Variants in DCDC2C observed in about 807,000 individuals in gnomAD.
DCDC2C encodes the protein doublecortin domain containing 2C, also known as doublecortin domain-containing protein 2C.
In DCDC2C, 44 loss-of-function variants were observed where a neutral mutation model predicts 45.0. The observed-to-expected ratio is 0.98, with a 90% CI of 0.77 to 1.26. The LOEUF (loss-of-function observed/expected upper bound fraction) is 1.26. DCDC2C is among the 50% of genes most tolerant of loss of function. The probability of loss-of-function intolerance (pLI) is 0.00; values close to 1 mark genes in which losing one functional copy is unlikely to be tolerated. For missense variants in DCDC2C, 447 were observed against 468.9 expected (o/e 0.95, Z 0.43); for synonymous variants, 187 against 178.8 (o/e 1.05, Z -0.37).
intron 10 of DCDC2C, among the ~76,000 whole-genome samples, chr2:3,812,144 A>G (rs77967743): frequency 0.021 from 3,176 of 152,102 alleles, 127 homozygotes; most frequent in African/African-American, 0.073. Context: ...GTAGTTTCAG[A>G]AAGAATGGTA....
At chr2:3,774,517 G>A (rs1254424972) in intron 8 of DCDC2C, among the ~76,000 whole-genome samples, 1 of 152,210 alleles carries the variant, frequency 6.6e-6, no homozygotes, top group Non-Finnish European at 1.5e-5. Context: ...GGCAGTCTCT[G>A]CTGTGGCTGG....
intron 6 of DCDC2C, among the ~76,000 whole-genome samples, chr2:3,755,842 GTATGGATGCATATGCA>G (rs148642533): frequency 0.099 from 15,058 of 152,060 alleles, 1,050 homozygotes; most frequent in East Asian, 0.35. Context: ...ATATGTGTAT[GTATGGATGCATATGCA>G]TATGGATGCA....
intron 6 of DCDC2C, among the ~76,000 whole-genome samples, chr2:3,766,185 G>A (rs1670006726): frequency 6.6e-6 from 1 of 152,024 alleles, no homozygotes; most frequent in Non-Finnish European, 1.5e-5. Context: ...TGTATTCTGT[G>A]TCACAACTAC....
intron 10 of DCDC2C, among the ~76,000 whole-genome samples, chr2:3,840,875 G>T (rs1394934556): frequency 1.3e-5 from 2 of 152,164 alleles, no homozygotes; most frequent in Non-Finnish European, 2.9e-5. Flanking sequence ...TACCTAGTAG[G>T]GGTGTCACCA....
intron 2 of DCDC2C, among the ~76,000 whole-genome samples, chr2:3,709,441 A>G (rs1668150859): frequency 6.6e-6 from 1 of 152,234 alleles, no homozygotes; most frequent in Non-Finnish European, 1.5e-5. Flanking sequence ...TCCATGCAGG[A>G]CACGCCAGCA....
intron 2 of DCDC2C, among the ~76,000 whole-genome samples, chr2:3,720,542 A>G (rs1419055289): frequency 6.6e-6 from 1 of 152,164 alleles, no homozygotes; most frequent in Non-Finnish European, 1.5e-5. Flanking sequence ...ATAACCATGT[A>G]CCCTTCCCAC....
At position 3,778,495 on chromosome 2, in the gene DCDC2C, G is replaced by A. The variant is rs531699131; in HGVS notation, c.955-321G>A. On this transcript the variant is annotated intron_variant, in intron 8 of 10. Transcript: ENST00000399143. ...GTGGAGGGCGTCTGCTGACCAGGGA[G>A]CAGAGGGCCCTGGGTGGGGTCCTCA... Among the ~76,000 whole-genome samples the A allele has an allele frequency of 2.6e-5, 4 of 152,312 alleles. No homozygotes were observed. In the South Asian group the frequency reaches 8.3e-4, roughly 32 times the overall value.
intron 10 of DCDC2C, among the ~76,000 whole-genome samples, chr2:3,785,976 T>A (rs1441624138): frequency 6.6e-6 from 1 of 152,172 alleles, no homozygotes; most frequent in Non-Finnish European, 1.5e-5. Context: ...GTATTCAAAG[T>A]TTGTCTGTCC....
At chr2:3,820,035 T>C (rs1193731182) in intron 10 of DCDC2C, among the ~76,000 whole-genome samples, 1 of 151,924 alleles carries the variant, frequency 6.6e-6, no homozygotes, top group African/African-American at 2.4e-5. Flanking sequence ...GAGCTTGGGG[T>C]GGAGACCGAA....
chr2:3,704,181 C>T (rs2148032373), intron 1 of DCDC2C, 143 bp downstream of exon 1: 8 of 789,834 alleles, frequency 1.0e-5, no homozygotes, highest in Middle Eastern at 4.2e-4. Flanking sequence ...GGATCCAGCG[C>T]AGCCGGCGTC....
chr2:3,804,741 C>T (rs1671191125), intron 10 of DCDC2C, among the ~76,000 whole-genome samples: 1 of 152,170 alleles, frequency 6.6e-6, no homozygotes, highest in Non-Finnish European at 1.5e-5. Flanking sequence ...CACATAATTT[C>T]AGAGTACTTC....
At chr2:3,802,765 G>A (rs1454562509) in intron 10 of DCDC2C, among the ~76,000 whole-genome samples, 3 of 152,102 alleles carry the variant, frequency 2.0e-5, no homozygotes, top group African/African-American at 7.2e-5. Flanking sequence ...GGGAGAAGAC[G>A]AACTGTTAGA....
intron 10 of DCDC2C, among the ~76,000 whole-genome samples, chr2:3,819,767 G>A (rs539862988): frequency 6.6e-6 from 1 of 152,276 alleles, no homozygotes; most frequent in East Asian, 1.9e-4. Flanking sequence ...TAAAGAAAAA[G>A]GAGCATTAAC....
rs140117612 is a variant in DCDC2C at position 3,723,425 on chromosome 2, A to G, written c.340-3578A>G. On this transcript the variant is annotated intron_variant, in intron 2 of 10. Transcript: ENST00000399143. ...GGGGCAAACCAGACAAAGATCCGTG[A>G]GTATGTTCCAGGCTCAGGTCCTGTG... Among the ~76,000 whole-genome samples, 176 of 152,316 alleles carry G rather than the reference A, an allele frequency of 1.2e-3. 1 individual carries two copies. The highest frequency in any genetic ancestry group is 3.8e-3 in the African/African-American group (156 of 41,568).
intron 10 of DCDC2C, among the ~76,000 whole-genome samples, chr2:3,800,011 A>G (rs1488401133): frequency 6.6e-6 from 1 of 152,160 alleles, no homozygotes; most frequent in Non-Finnish European, 1.5e-5. Context: ...TGTGCTAGCA[A>G]TCAGCAAGAC....
chr2:3,837,438 CAG>C (rs1672109252), intron 10 of DCDC2C, among the ~76,000 whole-genome samples: 1 of 152,070 alleles, frequency 6.6e-6, no homozygotes, highest in Admixed American at 6.5e-5. Context: ...ACGCCAGGCA[CAG>C]GGGACACTCG....
intron 10 of DCDC2C, among the ~76,000 whole-genome samples, chr2:3,804,576 T>C (rs1291677561): frequency 1.3e-5 from 2 of 152,262 alleles, no homozygotes; most frequent in African/African-American, 4.8e-5. Context: ...TGAAGTCTTA[T>C]CTTACTGATA....
intron 10 of DCDC2C, among the ~76,000 whole-genome samples, chr2:3,820,234 A>G (rs61316710): frequency 0.21 from 31,750 of 151,992 alleles, 3,818 homozygotes; most frequent in African/African-American, 0.33. Flanking sequence ...GGCTATTTAG[A>G]ACAATTATCG....
chr2:3,776,650 G>A (rs1009866663), intron 8 of DCDC2C, among the ~76,000 whole-genome samples: 1 of 152,200 alleles, frequency 6.6e-6, no homozygotes, highest in Non-Finnish European at 1.5e-5. Flanking sequence ...AGGATGAGGG[G>A]TAGGGCATCT....
Sources: allele counts gnomAD v4.1 joint callset (sites outside exome capture counted in the v4.1 genomes callset), GRCh38; gene constraint gnomAD v4.1.1; transcripts MANE v1.5; gene names NCBI Gene and HGNC (gene_info 2026-07-23, HGNC 2026-07-21).